The following GNG2 variants were observed in gnomAD, a reference collection of about 807,000 sequenced individuals.
GNG2 encodes guanine nucleotide-binding protein G(I)/G(S)/G(O) subunit gamma-2.
A neutral mutation model predicts 5.5 loss-of-function variants in GNG2; 5 were observed. That is an observed-to-expected ratio of 0.91 (90% CI 0.48 to 1.92). GNG2 has a LOEUF of 1.92. GNG2 is among the 30% of genes most tolerant of loss of function. The pLI is 0.01. For synonymous variants in GNG2, 28 were observed against 32.0 expected (o/e 0.88, Z 0.42); for missense variants, 55 against 88.4 (o/e 0.62, Z 1.52).
upstream of GNG2, among the ~76,000 whole-genome samples, chr14:51,857,586 A>G (rs77634399): frequency 2.2e-3 from 340 of 152,302 alleles, 1 homozygote; most frequent in African/African-American, 7.8e-3. Flanking sequence ...GAGAGACTGG[A>G]GGTAGGAGGA....
intron 2 of GNG2, among the ~76,000 whole-genome samples, chr14:51,843,920 C>G (rs1881553730): frequency 1.3e-5 from 2 of 152,228 alleles, no homozygotes; most frequent in Admixed American, 1.3e-4. Context: ...GTGGCCTCAG[C>G]CTGCAAGGCC....
At chr14:51,884,851 C>G (rs551485572) in intron 2 of GNG2, among the ~76,000 whole-genome samples, 1 of 152,150 alleles carries the variant, frequency 6.6e-6, no homozygotes, top group African/African-American at 2.4e-5. Flanking sequence ...CACCAGACCA[C>G]GATAGTTGGT....
chr14:51,942,593 T>TTTCTTTCTTTCTTTCTTTCTTTCTTTC (rs1555356844), intron 2 of GNG2, among the ~76,000 whole-genome samples: 10 of 6,756 alleles, frequency 1.5e-3, no homozygotes, highest in Non-Finnish European at 3.0e-3. Flanking sequence ...TTCTTTCTTT[T>TTTCTTTCTTTCTTTCTTTCTTTCTTTC]TTTTTTTTTT....
intron 2 of GNG2, among the ~76,000 whole-genome samples, chr14:51,923,111 A>T (rs1024765109): frequency 1.3e-5 from 2 of 152,172 alleles, no homozygotes; most frequent in African/African-American, 4.8e-5. Flanking sequence ...CTGAGCAGAG[A>T]AAATAGGCAT....
chr14:51,891,729 T>G (rs1884868148), intron 2 of GNG2, among the ~76,000 whole-genome samples: 1 of 152,232 alleles, frequency 6.6e-6, no homozygotes, highest in Admixed American at 6.5e-5. Flanking sequence ...TCCAGGTGGA[T>G]GTACATAGCT....
At chr14:51,891,268 G>A (rs180930301) in intron 2 of GNG2, among the ~76,000 whole-genome samples, 93 of 152,306 alleles carry the variant, frequency 6.1e-4, no homozygotes, top group African/African-American at 2.1e-3. Flanking sequence ...TCTTGCATCT[G>A]CTTCTTGGTA....
intron 2 of GNG2, among the ~76,000 whole-genome samples, chr14:51,935,599 G>T (rs1384851724): frequency 1.3e-5 from 2 of 152,170 alleles, no homozygotes; most frequent in Admixed American, 6.5e-5. Context: ...CATCTAGCCA[G>T]GTGTCTTAAA....
chr14:51,937,638 T>TTA (rs200493840), intron 2 of GNG2, among the ~76,000 whole-genome samples: 1 of 132,142 alleles, frequency 7.6e-6, no homozygotes, highest in African/African-American at 3.0e-5. Flanking sequence ...TTTTTTTTTT[T>TTA]ATTATACTCT....
chr14:51,911,559 T>C (rs63082660), intron 2 of GNG2, among the ~76,000 whole-genome samples: 7 of 150,432 alleles, frequency 4.7e-5, no homozygotes, highest in Non-Finnish European at 7.4e-5. Flanking sequence ...TTTTTTTTTT[T>C]AAGAGACAGA....
chr14:51,871,627 A>T (rs1443346837), intron 1 of GNG2, among the ~76,000 whole-genome samples: 3 of 152,260 alleles, frequency 2.0e-5, no homozygotes, highest in Non-Finnish European at 4.4e-5. Context: ...AATTATTCAA[A>T]ATAAATATAT....
chr14:51,884,642 A>C (rs1051223136), intron 2 of GNG2, among the ~76,000 whole-genome samples: 1 of 152,226 alleles, frequency 6.6e-6, no homozygotes, highest in Non-Finnish European at 1.5e-5. Context: ...AGACGGGTGC[A>C]GACCGAAGAT....
intron 1 of GNG2, among the ~76,000 whole-genome samples, chr14:51,827,189 A>G (rs1190923385): frequency 6.6e-6 from 1 of 152,240 alleles, no homozygotes; most frequent in Non-Finnish European, 1.5e-5. Context: ...CCCTAGGAGA[A>G]GGGCACGGGC....
intron 2 of GNG2, among the ~76,000 whole-genome samples, chr14:51,920,449 A>C (rs1303671485): frequency 6.6e-6 from 1 of 151,974 alleles, no homozygotes; most frequent in Non-Finnish European, 1.5e-5. Context: ...AAAAGTCTGT[A>C]CATATTCAGT....
chr14:51,846,966 C>T, intron 2 of GNG2, among the ~76,000 whole-genome samples: 1 of 152,144 alleles, frequency 6.6e-6, no homozygotes, highest in East Asian at 1.9e-4. Context: ...TGGGATCCCA[C>T]TGCATCTACA....
intron 2 of GNG2, among the ~76,000 whole-genome samples, chr14:51,907,853 T>A (rs1439144229): frequency 6.6e-6 from 1 of 152,164 alleles, no homozygotes. Flanking sequence ...CTTTACCGAT[T>A]TAGGTTGGTA....
intron 2 of GNG2, among the ~76,000 whole-genome samples, chr14:51,947,457 A>T (rs1453311126): frequency 2.0e-5 from 3 of 152,154 alleles, no homozygotes; most frequent in African/African-American, 4.8e-5. Flanking sequence ...GGTCAGAGTG[A>T]TGTGACATGA....
In GNG2 at chr14:51,929,984, A is replaced by G. The variant is rs150971780; in HGVS notation, c.-29-20666A>G. On this transcript the variant is annotated intron_variant, in intron 2 of 3. Transcript: ENST00000556766. ...AAGTTCACCGGTAATAAAAACATCT[A>G]TCTCTAGAAATTCCATAATGTTTCT... Among the ~76,000 whole-genome samples, 15 of 152,328 alleles carry G rather than the reference A, an allele frequency of 9.8e-5. No homozygotes were observed. In the East Asian group the frequency reaches 2.9e-3, roughly 29 times the overall value.
chr14:51,910,317 G>A (rs1203116864), intron 2 of GNG2, among the ~76,000 whole-genome samples: 1 of 152,182 alleles, frequency 6.6e-6, no homozygotes, highest in Non-Finnish European at 1.5e-5. Context: ...GCAGGAAAGA[G>A]GGGGGCTAGC....
At chr14:51,908,761 G>C (rs1235734161) in intron 2 of GNG2, among the ~76,000 whole-genome samples, 1 of 27,648 alleles carries the variant, frequency 3.6e-5, no homozygotes, top group East Asian at 6.8e-3. Flanking sequence ...TTTTTTTTTA[G>C]TAGAGATGGG....
Sources: allele counts gnomAD v4.1 joint callset (sites outside exome capture counted in the v4.1 genomes callset), GRCh38; gene constraint gnomAD v4.1.1; transcripts MANE v1.5; gene names NCBI Gene and HGNC (gene_info 2026-07-23, HGNC 2026-07-21).